Variants in PCDH15 observed in about 807,000 individuals in gnomAD.
The protein encoded by PCDH15 is protocadherin related 15.
PCDH15 carries 129 observed loss-of-function variants against 178.5 expected under a neutral mutation model. That is an observed-to-expected ratio of 0.72 (90% CI 0.63 to 0.84). The LOEUF is 0.84. Ranked by LOEUF, PCDH15 falls within the 40% of genes least tolerant of loss-of-function variation. PCDH15 has a pLI of 0.00. For missense variants in PCDH15, 2,230 were observed against 2,099.9 expected, an observed-to-expected ratio of 1.06 and a Z score of -1.21; for synonymous variants, 800 against 732.0, an observed-to-expected ratio of 1.09 and a Z score of -1.50.
At chr10:54,345,421 A>C (rs1028499989) in intron 6 of PCDH15, among the ~76,000 whole-genome samples, 1 of 152,136 alleles carries the variant, frequency 6.6e-6, no homozygotes, top group Non-Finnish European at 1.5e-5. Flanking sequence ...GATGCATTCA[A>C]TTTGAAAGCT....
At chr10:54,894,367 C>T (rs1954514088) in intron 3 of PCDH15, among the ~76,000 whole-genome samples, 2 of 152,076 alleles carry the variant, frequency 1.3e-5, no homozygotes, top group East Asian at 1.9e-4. Context: ...AGCAGTCATG[C>T]TTGAAGAAAG....
At position 54,938,288 on chromosome 10, in the gene PCDH15, TTTAG is replaced by T. The variant is rs1564646273; in HGVS notation, c.-79-40792_-79-40789del. On this transcript the variant is annotated intron_variant, in intron 2 of 5. Transcript: ENST00000458638. ...GTTTTACTTACTCGTAATATTTCGG[TTTAG>T]CATAGTGTATAGTACTTTTTATATG... is the stretch of plus-strand genomic sequence containing the variant. 3.5e-3 allele frequency among the ~76,000 whole-genome samples: 507 copies of T among 145,406 alleles called. 231 individuals carry two copies. Among genetic ancestry groups the T allele is most frequent in the East Asian group, 9.0e-3 (43 of 4,774 alleles).
chr10:54,702,549 A>AAAG (rs941868112), intron 1 of PCDH15, among the ~76,000 whole-genome samples: 6 of 151,312 alleles, frequency 4.0e-5, no homozygotes, highest in Non-Finnish European at 8.9e-5. Flanking sequence ...AATACAAAAA[A>AAAG]AAAAAAAAAC....
Position 54,513,300 on chromosome 10 carries a change from A to T in PCDH15, c.157+14512T>A, listed in dbSNP as rs200713189. On this transcript the variant is annotated intron_variant, in intron 3 of 37. Transcript: ENST00000644397. The stretch of plus-strand genomic sequence containing the variant: ...TTATGAGACACAGTCTCACTCTGTC[A>T]CCTGGGCTGGAGTGCAGTGGTGCAA... 3.3e-5 allele frequency among the ~76,000 whole-genome samples: 5 copies of T among 150,708 alleles called. No homozygotes were observed. The East Asian group carries it at 7.8e-4, about 24-fold the overall frequency.
chr10:55,552,313 T>A (rs974966855), intron 2 of PCDH15, among the ~76,000 whole-genome samples: 4 of 151,684 alleles, frequency 2.6e-5, no homozygotes, highest in Non-Finnish European at 5.9e-5. Flanking sequence ...TTTATTATTG[T>A]GAACAGATTT....
At chr10:53,882,072 C>T (rs555614975) in intron 26 of PCDH15, among the ~76,000 whole-genome samples, 14 of 151,090 alleles carry the variant, frequency 9.3e-5, no homozygotes, top group African/African-American at 3.2e-4. Flanking sequence ...TCACTGCAAC[C>T]TCCGCCTTCT....
intron 14 of PCDH15, among the ~76,000 whole-genome samples, chr10:54,145,089 A>T (rs1294859465): frequency 6.6e-6 from 1 of 152,108 alleles, no homozygotes; most frequent in Non-Finnish European, 1.5e-5. Context: ...TGTGAATCAA[A>T]CTTCATCTAT....
In PCDH15 at chr10:54,651,811, C is replaced by T. The variant is rs117683983; in HGVS notation, c.91+12361G>A. Among the ~76,000 whole-genome samples the T allele has an allele frequency of 7.0e-3, 1,061 of 152,292 alleles. 4 individuals are homozygous for T. Among genetic ancestry groups the T allele is most frequent in the Non-Finnish European group, 0.01 (714 of 68,018 alleles). On this transcript the variant is annotated intron_variant, in intron 2 of 37. Transcript: ENST00000644397. ...ATTTCACTGCCCAGAGATAGTTATA[C>T]AGTTCTGCCTAATAGGTGAATATTT...
intron 3 of PCDH15, among the ~76,000 whole-genome samples, chr10:54,402,236 T>C (rs1001890203): frequency 6.6e-6 from 1 of 151,936 alleles, no homozygotes; most frequent in Non-Finnish European, 1.5e-5. Context: ...CTCAATCTGA[T>C]AAGCAAAATA....
chr10:54,200,437 G>A (rs117815494), intron 10 of PCDH15, among the ~76,000 whole-genome samples: 3,654 of 151,696 alleles, frequency 0.024, 55 homozygotes, highest in Middle Eastern at 0.082. Context: ...CCCCACCCTC[G>A]ACAGGCCCCG....
chr10:53,883,084 TATG>T (rs1206601360), intron 26 of PCDH15, among the ~76,000 whole-genome samples: 9 of 152,156 alleles, frequency 5.9e-5, no homozygotes, highest in Non-Finnish European at 1.0e-4. Flanking sequence ...TATAGGATAT[TATG>T]ATCCTAGTTT....
At chr10:54,375,789 G>C (rs1193075821) in intron 4 of PCDH15, among the ~76,000 whole-genome samples, 3 of 113,298 alleles carry the variant, frequency 2.6e-5, no homozygotes, top group Non-Finnish European at 5.5e-5. Context: ...ATTTGAAATG[G>C]AATATATATA....
At chr10:54,848,963 A>G (rs1429733680) in intron 3 of PCDH15, among the ~76,000 whole-genome samples, 1 of 152,220 alleles carries the variant, frequency 6.6e-6, no homozygotes, top group African/African-American at 2.4e-5. Context: ...AAAATTATTT[A>G]TGATCCATAT....
chr10:53,826,399 A>C (rs934865040), intron 32 of PCDH15, among the ~76,000 whole-genome samples: 13 of 151,570 alleles, frequency 8.6e-5, no homozygotes, highest in Non-Finnish European at 1.9e-4. Context: ...CTTTTCCATT[A>C]CCAGGTCAAT....
rs1293035685 is a variant in PCDH15 at position 55,368,992 on chromosome 10, T to C, written c.-155-202341A>G. ...ACTTATTATGCAGCTTGGATAGTCC[T>C]GATCTCATTTTTGGGACCAAAAAAA... On this transcript the variant is annotated intron_variant, in intron 2 of 5. Transcript: ENST00000613346. Among the ~76,000 whole-genome samples the C allele has an allele frequency of 9.0e-5, 12 of 132,748 alleles. No individual in the cohort carries two copies. In the Admixed American group the frequency reaches 9.4e-4, roughly 10 times the overall value. The allele number at this position is 132,748 out of a possible 152,430, so 87.1% of individuals were successfully genotyped here. A position where few individuals can be genotyped will look rare whatever the true frequency, so the allele number is the denominator to read the frequency against.
intron 1 of PCDH15, among the ~76,000 whole-genome samples, chr10:55,216,319 A>C (rs886498655): frequency 6.6e-6 from 1 of 151,968 alleles, no homozygotes; most frequent in Non-Finnish European, 1.5e-5. Context: ...TGATATTTTC[A>C]ATTTCAATTA....
chr10:54,048,164 T>C (rs1320595302), intron 18 of PCDH15, among the ~76,000 whole-genome samples: 1 of 152,142 alleles, frequency 6.6e-6, no homozygotes, highest in Non-Finnish European at 1.5e-5. Context: ...ATTTATGATG[T>C]GGATCATTTT....
At chr10:55,615,201 G>T (rs768632938) in intron 2 of PCDH15, among the ~76,000 whole-genome samples, 1 of 147,294 alleles carries the variant, frequency 6.8e-6, no homozygotes, top group Non-Finnish European at 1.5e-5. Context: ...TAAGAACAGT[G>T]ACTATAATAA....
chr10:55,478,383 T>C (rs1840105250), intron 2 of PCDH15, among the ~76,000 whole-genome samples: 1 of 151,678 alleles, frequency 6.6e-6, no homozygotes. Flanking sequence ...TTAACCAGCA[T>C]AACTTGAAAT....
Sources: gnomAD v4.1 joint callset for allele counts (sites outside exome capture counted in the v4.1 genomes callset) on GRCh38, gnomAD v4.1.1 for gene constraint, MANE v1.5 for transcripts, NCBI Gene and HGNC (gene_info 2026-07-23, HGNC 2026-07-21) for gene names.